The following SUSD5 variants were observed in gnomAD, a reference collection of about 807,000 sequenced individuals.
SUSD5 encodes the protein sushi domain-containing protein 5.
SUSD5 carries 33 observed loss-of-function variants against 29.5 expected under a neutral mutation model. The ratio of observed to expected loss-of-function variants is 1.12; its 90% confidence interval spans 0.85 to 1.49. SUSD5 has a LOEUF of 1.49. SUSD5 is among the 40% of genes most tolerant of loss of function. SUSD5 has a pLI of 0.00. For synonymous variants in SUSD5, 308 were observed against 325.3 expected (o/e 0.95, Z 0.57); for missense variants, 776 against 800.6 (o/e 0.97, Z 0.37).
chr3:33,154,515 TCAAAAA>T lies in SUSD5; in HGVS notation c.599-488_599-483del, dbSNP rs1408067607. On this transcript the variant is annotated intron_variant, in intron 4 of 4. Coordinates refer to ENST00000309558, the MANE Select transcript of SUSD5 (RefSeq NM_015551.2). ...TCCAGCCTGGGTGACAGAGTGAGAC[TCAAAAA>T]CAACAACAACAAAAACAACAACTCA... Among the ~76,000 whole-genome samples the T allele has an allele frequency of 2.6e-5, 4 of 151,980 alleles. No individual in the cohort carries two copies. The East Asian group carries it at 7.7e-4, about 29-fold the overall frequency.
chr3:33,175,113 G>A (rs2031522348), intron 3 of SUSD5, 39 bp from the exon 4 acceptor site: 1 of 1,606,302 alleles, frequency 6.2e-7, no homozygotes, highest in Non-Finnish European at 8.5e-7. Context: ...TCCAAACTGT[G>A]CGGAACTTTT....
chr3:33,200,142 G>T (rs907233203), intron 3 of SUSD5, among the ~76,000 whole-genome samples: 1 of 152,184 alleles, frequency 6.6e-6, no homozygotes, highest in Non-Finnish European at 1.5e-5. Context: ...TTATGAAAGA[G>T]ACCTCACAGA....
intron 2 of SUSD5, among the ~76,000 whole-genome samples, chr3:33,209,655 CTTTT>C (rs1384850248): frequency 1.4e-5 from 2 of 138,546 alleles, no homozygotes; most frequent in Non-Finnish European, 1.6e-5. Context: ...TTCTTTCTTT[CTTTT>C]CTTTTTTTTT....
At position 33,151,207 on chromosome 3, in the gene SUSD5, G is replaced by A. The variant is rs1217196049; in HGVS notation, c.*1535C>T. 6.6e-6 allele frequency: 1 copy of A among 152,172 alleles called. No homozygotes were observed. Among genetic ancestry groups the A allele is most frequent in the African/African-American group, 2.4e-5 (1 of 41,424 alleles). The allele number at this position is 152,172 out of a possible 1,614,324, so 9.4% of individuals were successfully genotyped here. On this transcript the variant is annotated 3_prime_UTR_variant, in exon 5 of 5. Transcript: ENST00000309558. ...GAGGGCTTGTTAAAAACAGAACTGGGCCCTACTCCCAGGGTTCCTGTTTCC... is the reference window on the plus strand; with the variant it reads ...GAGGGCTTGTTAAAAACAGAACTGGACCCTACTCCCAGGGTTCCTGTTTCC...
Position 33,153,603 on chromosome 3 carries a change from A to C in SUSD5, c.1029T>G (p.Thr343=), listed in dbSNP as rs748050637. 6.2e-7 allele frequency: 1 copy of C among 1,613,964 alleles called. No individual in the cohort carries two copies. Among genetic ancestry groups the C allele is most frequent in the Non-Finnish European group, 8.5e-7 (1 of 1,179,890 alleles). ...EPETKVIYGN[T]DGPSGPFVGK... ...CCACAAATGGCCCCGAGGGACCATC[A>C]GTGTTGCCGTAGATCACCTTGGTTT... Residue 343 remains threonine, a synonymous_variant, in exon 5 of 5, where the codon ACT becomes ACG. Transcript: ENST00000309558.
intron 3 of SUSD5, among the ~76,000 whole-genome samples, chr3:33,186,284 A>G (rs1241434168): frequency 6.6e-6 from 1 of 151,942 alleles, no homozygotes; most frequent in Non-Finnish European, 1.5e-5. Context: ...CCTGGGTGAC[A>G]GAGCAAGACT....
chr3:33,153,532 T>C lies in SUSD5; in HGVS notation c.1100A>G (p.Asp367Gly). Reference sequence around the variant, plus strand: ...AGGGTAGCCATCTAACCAGGACTCATCACTGCTGCTCACCACTGGATCTCC... The same window carrying C: ...AGGGTAGCCATCTAACCAGGACTCACCACTGCTGCTCACCACTGGATCTCC... Reference protein sequence around the residue: ...KAGDPVVSSSDESWLDGYPVT... With the variant: ...KAGDPVVSSSGESWLDGYPVT... Residue 367 changes from aspartate (D) to glycine (G), a missense_variant, in exon 5 of 5, where the codon GAT becomes GGT. Physicochemically the swap from Asp to Gly is moderately conservative, Grantham distance 94. Transcript: ENST00000309558. 6.2e-7 allele frequency: 1 copy of C among 1,614,052 alleles called. No homozygotes were observed. The highest frequency in any genetic ancestry group is 1.1e-5 in the South Asian group (1 of 91,072).
chr3:33,187,319 T>C (rs1263615549), intron 3 of SUSD5, among the ~76,000 whole-genome samples: 7 of 152,196 alleles, frequency 4.6e-5, no homozygotes, highest in Non-Finnish European at 1.0e-4. Flanking sequence ...CAAAACGATA[T>C]GGGCTAGAAT....
At chr3:33,191,155 A>G (rs1485678028) in intron 3 of SUSD5, among the ~76,000 whole-genome samples, 2 of 148,306 alleles carry the variant, frequency 1.3e-5, no homozygotes, top group Non-Finnish European at 3.0e-5. Flanking sequence ...TTTGAGATGG[A>G]GTCTTGCTCT....
intron 3 of SUSD5, among the ~76,000 whole-genome samples, chr3:33,188,915 T>A (rs1294061297): frequency 6.6e-6 from 1 of 152,196 alleles, no homozygotes; most frequent in African/African-American, 2.4e-5. Context: ...ATACCTCCCC[T>A]TAGAAAAATC....
At chr3:33,180,815 C>G (rs1327121378) in intron 3 of SUSD5, among the ~76,000 whole-genome samples, 1 of 151,338 alleles carries the variant, frequency 6.6e-6, no homozygotes, top group African/African-American at 2.4e-5. Flanking sequence ...TCTCCAGCCT[C>G]ACTGACGGAG....
chr3:33,173,187 T>A (rs1660183169), intron 4 of SUSD5, among the ~76,000 whole-genome samples: 1 of 152,202 alleles, frequency 6.6e-6, no homozygotes, highest in African/African-American at 2.4e-5. Context: ...ATATTACGAC[T>A]ACAAATCACC....
At chr3:33,154,672 T>C (rs2031009752) in intron 4 of SUSD5, among the ~76,000 whole-genome samples, 1 of 152,128 alleles carries the variant, frequency 6.6e-6, no homozygotes, top group African/African-American at 2.4e-5. Context: ...GGATGCTATT[T>C]ACAATAACAT....
chr3:33,165,281 C>G (rs1404175122), intron 4 of SUSD5, among the ~76,000 whole-genome samples: 2 of 152,090 alleles, frequency 1.3e-5, no homozygotes, highest in Non-Finnish European at 1.5e-5. Flanking sequence ...ATAATGTATG[C>G]TTCCACTTAA....
At chr3:33,198,099 T>C (rs1289818441) in intron 3 of SUSD5, among the ~76,000 whole-genome samples, 6 of 152,208 alleles carry the variant, frequency 3.9e-5, no homozygotes, top group African/African-American at 1.2e-4. Flanking sequence ...TTGAAAACAG[T>C]GTAACATCAA....
chr3:33,205,871 GT>G (rs1417110783), intron 3 of SUSD5, among the ~76,000 whole-genome samples: 1 of 152,176 alleles, frequency 6.6e-6, no homozygotes, highest in African/African-American at 2.4e-5. Context: ...TAAATAAACA[GT>G]TGCTGTTTTA....
At chr3:33,195,620 T>C (rs2031980056) in intron 3 of SUSD5, among the ~76,000 whole-genome samples, 1 of 152,110 alleles carries the variant, frequency 6.6e-6, no homozygotes, top group Non-Finnish European at 1.5e-5. Context: ...TCCATGGAAT[T>C]ACCAAAACGT....
intron 3 of SUSD5, among the ~76,000 whole-genome samples, chr3:33,180,222 T>G (rs2031639419): frequency 6.6e-6 from 1 of 152,234 alleles, no homozygotes; most frequent in South Asian, 2.1e-4. Context: ...CAGCTCCATG[T>G]GTCTTACTGC....
intron 2 of SUSD5, 142 bp downstream of exon 2, chr3:33,213,786 A>G: frequency 1.0e-6 from 1 of 970,240 alleles, no homozygotes; most frequent in Non-Finnish European, 1.5e-6. Context: ...ACAAAACAAA[A>G]CAAAACAAAA....
Sources: allele counts gnomAD v4.1 joint callset (sites outside exome capture counted in the v4.1 genomes callset), GRCh38; gene constraint gnomAD v4.1.1; transcripts MANE v1.5; gene names NCBI Gene and HGNC (gene_info 2026-07-23, HGNC 2026-07-21).